The following RBFOX1 variants were observed in gnomAD, a reference collection of about 807,000 sequenced individuals.
RBFOX1 encodes RNA binding protein fox-1 homolog 1.
RBFOX1 carries 8 observed loss-of-function variants against 57.7 expected under a neutral mutation model. The ratio of observed to expected loss-of-function variants is 0.14; its 90% CI spans 0.08 to 0.25. The LOEUF is 0.25. Ranked by LOEUF, RBFOX1 falls within the 10% of genes least tolerant of loss-of-function variation. RBFOX1 has a pLI of 1.00. For synonymous variants in RBFOX1, 326 were observed against 222.4 expected (o/e 1.47, Z -4.15); for missense variants, 611 against 548.5 (o/e 1.11, Z -1.14).
intron 1 of RBFOX1, among the ~76,000 whole-genome samples, chr16:5,336,475 G>A (rs2064897984): frequency 6.6e-6 from 1 of 152,128 alleles, no homozygotes; most frequent in South Asian, 2.1e-4. Flanking sequence ...CATGCATGGG[G>A]GTGCTGATCC....
chr16:6,300,694 T>A (rs2078711856), intron 1 of RBFOX1, among the ~76,000 whole-genome samples: 2 of 152,224 alleles, frequency 1.3e-5, no homozygotes, highest in African/African-American at 2.4e-5. Context: ...TGGGGCTTCG[T>A]GCATCTAGCT....
chr16:6,405,406 A>C (rs1596691130), intron 2 of RBFOX1, among the ~76,000 whole-genome samples: 1 of 152,190 alleles, frequency 6.6e-6, no homozygotes, highest in Admixed American at 6.5e-5. Flanking sequence ...TGGGAAGTGC[A>C]CCAAATAGTG....
At chr16:6,017,703 T>G (rs758500565), upstream of RBFOX1, among the ~76,000 whole-genome samples, 9 of 152,226 alleles carry the variant, frequency 5.9e-5, no homozygotes, top group Non-Finnish European at 2.9e-5. Context: ...AATATAGTTA[T>G]AGGCAGAAGT....
At chr16:6,896,568 G>C (rs762088241) in intron 3 of RBFOX1, among the ~76,000 whole-genome samples, 1 of 152,088 alleles carries the variant, frequency 6.6e-6, no homozygotes, top group Non-Finnish European at 1.5e-5. Context: ...ATAATCTCCA[G>C]TTCCATCTTT....
chr16:7,268,318 A>G lies in RBFOX1; in HGVS notation c.27+216220A>G, dbSNP rs192210669. ...ATTCAGGGAACGGACAGTAGGGGGC[A>G]AAAGTGGAAGTGGAGAAACCAAGGA... On this transcript the variant is annotated intron_variant, in intron 4 of 15. Transcript: ENST00000550418. 1.2e-3 allele frequency among the ~76,000 whole-genome samples: 176 copies of G among 152,290 alleles called. 1 individual carries two copies. Among genetic ancestry groups the G allele is most frequent in the African/African-American group, 3.9e-3 (161 of 41,568 alleles).
intron 3 of RBFOX1, among the ~76,000 whole-genome samples, chr16:5,757,158 G>T (rs1043418100): frequency 1.3e-5 from 2 of 151,738 alleles, no homozygotes; most frequent in Non-Finnish European, 2.9e-5. Flanking sequence ...GCCCTTGGTC[G>T]ATATTCAGCC....
chr16:6,841,428 T>C (rs1237123749), intron 3 of RBFOX1, among the ~76,000 whole-genome samples: 5 of 152,164 alleles, frequency 3.3e-5, no homozygotes, highest in African/African-American at 9.7e-5. Flanking sequence ...TTTCCATAAT[T>C]TTTTTCTTTT....
At chr16:5,575,290 G>T (rs115234091) in intron 2 of RBFOX1, among the ~76,000 whole-genome samples, 1 of 152,174 alleles carries the variant, frequency 6.6e-6, no homozygotes, top group South Asian at 2.1e-4. Context: ...CATTATCGTC[G>T]TCATCATCAT....
intron 12 of RBFOX1, among the ~76,000 whole-genome samples, chr16:7,656,854 G>A (rs2066440511): frequency 6.6e-6 from 1 of 152,128 alleles, no homozygotes; most frequent in Admixed American, 6.5e-5. Flanking sequence ...CCCAGCTTGG[G>A]TGTTTACAGA....
At chr16:5,884,970 C>T (rs1249486214) in intron 4 of RBFOX1, among the ~76,000 whole-genome samples, 3 of 152,146 alleles carry the variant, frequency 2.0e-5, no homozygotes, top group African/African-American at 7.2e-5. Context: ...CTAATGTTGG[C>T]CCAGAGGTAG....
intron 3 of RBFOX1, among the ~76,000 whole-genome samples, chr16:6,913,369 C>A (rs1375361801): frequency 6.6e-6 from 1 of 152,068 alleles, no homozygotes; most frequent in African/African-American, 2.4e-5. Context: ...AGCGTGTTAG[C>A]TCAGGCCAAG....
chr16:6,540,524 A>T (rs2096799221), intron 2 of RBFOX1, among the ~76,000 whole-genome samples: 1 of 151,148 alleles, frequency 6.6e-6, no homozygotes, highest in South Asian at 2.1e-4. Context: ...AGGCAGGAAA[A>T]TCGCTTGAAC....
intron 14 of RBFOX1, among the ~76,000 whole-genome samples, chr16:7,705,018 G>A (rs1420266438): frequency 4.8e-5 from 7 of 145,454 alleles, no homozygotes; most frequent in Admixed American, 1.4e-4. Flanking sequence ...CACTCCAGCC[G>A]AGGTGACAGA....
chr16:5,529,036 G>A (rs1301809469), intron 2 of RBFOX1, among the ~76,000 whole-genome samples: 1 of 151,864 alleles, frequency 6.6e-6, no homozygotes, highest in African/African-American at 2.4e-5. Flanking sequence ...CTCCCTTCTT[G>A]GACCTCCTGC....
At chr16:5,881,033 A>C (rs1036334618) in intron 4 of RBFOX1, among the ~76,000 whole-genome samples, 2 of 152,220 alleles carry the variant, frequency 1.3e-5, no homozygotes, top group Non-Finnish European at 2.9e-5. Flanking sequence ...TTGTAATACT[A>C]CTGCAATGTT....
chr16:7,464,688 CTTTTTTTTTTTTT>C (rs57553411), intron 4 of RBFOX1, among the ~76,000 whole-genome samples: 1 of 62,268 alleles, frequency 1.6e-5, no homozygotes. Flanking sequence ...TATTGTCTGT[CTTTTTTTTTTTTT>C]TTTTTTTTTT....
In RBFOX1 at chr16:7,441,743, C is replaced by G. The variant is rs147310944; in HGVS notation, c.28-76404C>G. On this transcript the variant is annotated intron_variant, in intron 4 of 15. Transcript: ENST00000550418. ...CACACTTCACCCACCAGCTGGAGCT[C>G]TGTAGCACCTGCACACCTCAGTGTG... Among the ~76,000 whole-genome samples, 660 of 152,312 alleles carry G rather than the reference C, an allele frequency of 4.3e-3. 4 individuals are homozygous for G. Among genetic ancestry groups the G allele is most frequent in the African/African-American group, 0.015 (634 of 41,576 alleles).
chr16:7,375,678 T>C (rs1196947794), intron 4 of RBFOX1, among the ~76,000 whole-genome samples: 1 of 152,070 alleles, frequency 6.6e-6, no homozygotes, highest in South Asian at 2.1e-4. Flanking sequence ...CTGTATTCCT[T>C]GTTGTTTTAG....
intron 1 of RBFOX1, among the ~76,000 whole-genome samples, chr16:5,396,100 T>G (rs1376778003): frequency 6.6e-6 from 1 of 152,190 alleles, no homozygotes; most frequent in East Asian, 1.9e-4. Context: ...GTGTGTTGTT[T>G]TAAGCCCCCA....
Sources: gnomAD v4.1 joint callset for allele counts (sites outside exome capture counted in the v4.1 genomes callset) on GRCh38, gnomAD v4.1.1 for gene constraint, MANE v1.5 for transcripts, NCBI Gene and HGNC (gene_info 2026-07-23, HGNC 2026-07-21) for gene names.